The following TRHR variants were observed in gnomAD, a reference collection of about 807,000 sequenced individuals.
The protein encoded by TRHR is thyrotropin-releasing hormone receptor.
TRHR carries 14 observed loss-of-function variants against 28.0 expected under a neutral mutation model. The observed-to-expected ratio is 0.50, with a 90% CI of 0.33 to 0.78. The LOEUF (loss-of-function observed/expected upper bound fraction) is 0.78. TRHR is among the 30% of genes least tolerant of loss of function. The pLI is 0.02. For missense variants in TRHR, 438 were observed against 469.5 expected, an observed-to-expected ratio of 0.93 and a Z score of 0.62; for synonymous variants, 176 against 171.9, an observed-to-expected ratio of 1.02 and a Z score of -0.18.
chr8:109,087,149 G>A (rs1811445102), intron 1 of TRHR, among the ~76,000 whole-genome samples: 1 of 151,274 alleles, frequency 6.6e-6, no homozygotes. Context: ...TTTTTCAACT[G>A]GGCACTGTTT....
chr8:109,105,291 C>G (rs1811732572), intron 2 of TRHR, among the ~76,000 whole-genome samples: 3 of 152,150 alleles, frequency 2.0e-5, no homozygotes, highest in African/African-American at 7.2e-5. Context: ...GATGGCAACA[C>G]TATTCTCTGC....
intron 2 of TRHR, among the ~76,000 whole-genome samples, chr8:109,092,338 A>G (rs1283795011): frequency 6.6e-6 from 1 of 151,876 alleles, no homozygotes; most frequent in Non-Finnish European, 1.5e-5. Context: ...CTTTGTTTCC[A>G]TGAAACTATT....
intron 2 of TRHR, among the ~76,000 whole-genome samples, chr8:109,102,611 T>A (rs1331420675): frequency 6.6e-6 from 1 of 151,962 alleles, no homozygotes; most frequent in Non-Finnish European, 1.5e-5. Context: ...AAGTTGTGAG[T>A]TTAGCAAGTT....
At chr8:109,114,159 A>G (rs1453943268) in intron 2 of TRHR, among the ~76,000 whole-genome samples, 1 of 152,096 alleles carries the variant, frequency 6.6e-6, no homozygotes, top group Non-Finnish European at 1.5e-5. Flanking sequence ...AGAGTTTGGT[A>G]TCAAAATTTC....
At chr8:109,118,987 A>ACTAAAGGTTTGGGTGAG in intron 2 of TRHR, 61 bp from the exon 3 acceptor site, 4 of 1,604,904 alleles carry the variant, frequency 2.5e-6, no homozygotes, top group Non-Finnish European at 3.4e-6. Context: ...TGAGAGAAGA[A>ACTAAAGGTTTGGGTGAG]AGGGGGTTTT....
chr8:109,106,620 A>C (rs1300583084), intron 2 of TRHR, among the ~76,000 whole-genome samples: 6 of 152,102 alleles, frequency 3.9e-5, no homozygotes, highest in Non-Finnish European at 8.8e-5. Context: ...TTGATGCCAA[A>C]CTTGTTTTAG....
intron 2 of TRHR, among the ~76,000 whole-genome samples, chr8:109,096,456 T>C (rs1048371016): frequency 6.6e-6 from 1 of 152,170 alleles, no homozygotes; most frequent in South Asian, 2.1e-4. Context: ...GTCTTCCCAC[T>C]CTCACTAACA....
At chr8:109,104,323 T>A (rs971598433) in intron 2 of TRHR, among the ~76,000 whole-genome samples, 23 of 152,228 alleles carry the variant, frequency 1.5e-4, no homozygotes, top group African/African-American at 5.3e-4. Flanking sequence ...AAAGACAACT[T>A]GAAAAATGAT....
chr8:109,103,762 A>G (rs1478289010), intron 2 of TRHR, among the ~76,000 whole-genome samples: 2 of 151,952 alleles, frequency 1.3e-5, no homozygotes, highest in African/African-American at 4.8e-5. Context: ...TCTGTTGCTG[A>G]CTCCTCCTCA....
chr8:109,087,090 A>ATCTAAGAG (rs1320400194), intron 1 of TRHR, among the ~76,000 whole-genome samples: 2 of 152,096 alleles, frequency 1.3e-5, no homozygotes, highest in African/African-American at 4.8e-5. Context: ...TTTGCCAGGC[A>ATCTAAGAG]TCTAAGAGGT....
chr8:109,087,317 C>G (rs764575258), intron 1 of TRHR, 108 bp from the exon 2 acceptor site: 1 of 656,832 alleles, frequency 1.5e-6, no homozygotes, highest in Non-Finnish European at 2.7e-6. Context: ...AGCCCTATTC[C>G]CATAGAAAAA....
chr8:109,112,184 C>G (rs1411227821), intron 2 of TRHR, among the ~76,000 whole-genome samples: 1 of 152,126 alleles, frequency 6.6e-6, no homozygotes, highest in African/African-American at 2.4e-5. Context: ...AAAGCCACAG[C>G]CTTTATTTCC....
At chr8:109,098,083 G>T (rs2129891311) in intron 2 of TRHR, among the ~76,000 whole-genome samples, 1 of 151,476 alleles carries the variant, frequency 6.6e-6, no homozygotes, top group South Asian at 2.1e-4. Flanking sequence ...CTGATCTCCT[G>T]CCTTGCCACA....
intron 2 of TRHR, among the ~76,000 whole-genome samples, chr8:109,101,071 T>A (rs1811671940): frequency 6.6e-6 from 1 of 152,136 alleles, no homozygotes; most frequent in Admixed American, 6.6e-5. Flanking sequence ...ATTGGGAGAT[T>A]ACAAGGCAAA....
intron 2 of TRHR, among the ~76,000 whole-genome samples, chr8:109,115,484 A>C (rs1586196099): frequency 6.6e-6 from 1 of 151,906 alleles, no homozygotes. Context: ...CTTTTATTTC[A>C]TTGAGCAGTG....
At chr8:109,116,997 C>T (rs1811932148) in intron 2 of TRHR, among the ~76,000 whole-genome samples, 1 of 151,956 alleles carries the variant, frequency 6.6e-6, no homozygotes, top group Non-Finnish European at 1.5e-5. Flanking sequence ...GAAAGTTGCT[C>T]CCTTCACTGA....
chr8:109,095,015 T>A (rs927673570), intron 2 of TRHR, among the ~76,000 whole-genome samples: 1 of 151,912 alleles, frequency 6.6e-6, no homozygotes, highest in African/African-American at 2.4e-5. Context: ...TTTTTTTTTT[T>A]AATGAGTTGG....
chr8:109,105,053 A>G (rs1214573729), intron 2 of TRHR, among the ~76,000 whole-genome samples: 61 of 152,184 alleles, frequency 4.0e-4, no homozygotes, highest in Non-Finnish European at 5.9e-5. Context: ...CCATGTGTTA[A>G]TTAACCTTTA....
At chr8:109,088,749 T>C (rs1231693956) in intron 2 of TRHR, among the ~76,000 whole-genome samples, 1 of 152,198 alleles carries the variant, frequency 6.6e-6, no homozygotes, top group Admixed American at 6.5e-5. Context: ...TAAATGAAAC[T>C]TTCTTTGCCA....
Sources: allele counts gnomAD v4.1 joint callset (sites outside exome capture counted in the v4.1 genomes callset), GRCh38; gene constraint gnomAD v4.1.1; transcripts MANE v1.5; gene names NCBI Gene and HGNC (gene_info 2026-07-23, HGNC 2026-07-21).